Variants in CD101 observed in about 807,000 individuals in gnomAD.
The protein encoded by CD101 is immunoglobulin superfamily member 2.
Under a neutral mutation model 98.2 loss-of-function variants are expected in CD101, and 76 were observed. The observed-to-expected ratio is 0.77, with a 90% CI of 0.64 to 0.94. The LOEUF (loss-of-function observed/expected upper bound fraction) is 0.94, where lower values mean the gene tolerates loss of function less well. Among genes scored for constraint, CD101 ranks in the 40% least tolerant of loss-of-function variants. CD101 has a pLI of 0.00. For synonymous variants in CD101, 471 were observed against 472.7 expected, an observed-to-expected ratio of 1.00 and a Z score of 0.05; for missense variants, 1,145 against 1,218.8, an observed-to-expected ratio of 0.94 and a Z score of 0.90.
rs369157607 is a variant in CD101 at position 117,018,850 on chromosome 1, G to A, written c.2017+290G>A. 3.3e-5 allele frequency among the ~76,000 whole-genome samples: 5 copies of A among 152,194 alleles called. No homozygotes were observed. The South Asian group carries it at 8.3e-4, about 25-fold the overall frequency. Reference sequence around the variant, plus strand: ...CCACCCAGCAACTAAAGGGTACCACGTGGCACAGCAGGGGGCCTCTAGGAC... The same window carrying A: ...CCACCCAGCAACTAAAGGGTACCACATGGCACAGCAGGGGGCCTCTAGGAC... On this transcript the variant is annotated intron_variant, in intron 6 of 9. Transcript: ENST00000682167. The surrounding 1 kb of genome is among the most constrained non-coding windows in gnomAD (Gnocchi z 4.3).
chr1:117,007,739 C>T (rs1570711737), intron 1 of CD101, among the ~76,000 whole-genome samples: 1 of 152,198 alleles, frequency 6.6e-6, no homozygotes, highest in South Asian at 2.1e-4. Context: ...ACTTTATAAA[C>T]AGTACGATCA....
intron 7 of CD101, among the ~76,000 whole-genome samples, chr1:117,024,749 C>T (rs568200065): frequency 6.6e-6 from 1 of 152,076 alleles, no homozygotes; most frequent in Non-Finnish European, 1.5e-5. Flanking sequence ...GGATGGCGTC[C>T]TCTCTCTCTG....
At position 117,013,802 on chromosome 1, in the gene CD101, G is replaced by A. The variant is rs775824380; in HGVS notation, c.1228+10G>A. 1 of 1,602,816 alleles carries A rather than the reference G, an allele frequency of 6.2e-7. No individual in the cohort carries two copies. Among genetic ancestry groups the A allele is most frequent in the South Asian group, 1.1e-5 (1 of 89,776 alleles). On this transcript the variant is annotated intron_variant, in intron 4 of 9. Coordinates refer to ENST00000682167, the MANE Select transcript of CD101 (RefSeq NM_001256106.3). ...CTGAGGAAGCCAGCAGGTACGTAAA[G>A]TCAAGGCCAGGCATGCATTGGGCTG...
At position 117,019,372 on chromosome 1, in the gene CD101, TTC is replaced by T. The variant is rs1449990745; in HGVS notation, c.2017+818_2017+819del. On this transcript the variant is annotated intron_variant, in intron 6 of 9. Coordinates refer to ENST00000682167, the MANE Select transcript of CD101 (RefSeq NM_001256106.3). The surrounding 1 kb of genome is among the most constrained non-coding windows in gnomAD (Gnocchi z 4.3). ...CGCTCAAACGTGGTCACTGTCATTA[TTC>T]TCTCTGCTGCTGTGCAACATTTTTG... Among the ~76,000 whole-genome samples, 17 of 152,212 alleles carry T rather than the reference TTC, an allele frequency of 1.1e-4. No individual in the cohort carries two copies. The highest frequency in any genetic ancestry group is 9.2e-4 in the Admixed American group (14 of 15,282).
In CD101 at chr1:117,010,725, C is replaced by T. The variant is rs1486800354; in HGVS notation, c.424+495C>T. On this transcript the variant is annotated intron_variant, in intron 2 of 9. Coordinates refer to ENST00000682167, the MANE Select transcript of CD101 (RefSeq NM_001256106.3). This position sits in a 1 kb window ranked among gnomAD's most constrained non-coding sequence, Gnocchi z 5.2. ...CCCTTTGTCTGGAATATCTATCACC[C>T]CCTTTTCAGCTTAACAAACTCCTAC... is the stretch of plus-strand genomic sequence containing the variant. Among the ~76,000 whole-genome samples the T allele has an allele frequency of 6.6e-6, 1 of 152,192 alleles. No homozygotes were observed. The highest frequency in any genetic ancestry group is 2.4e-5 in the African/African-American group (1 of 41,438).
Position 117,017,426 on chromosome 1 carries a change from G to C in CD101, c.1565G>C (p.Arg522Thr). 1 of 1,614,200 alleles carries C rather than the reference G, an allele frequency of 6.2e-7. No homozygotes were observed. The highest frequency in any genetic ancestry group is 1.1e-5 in the South Asian group (1 of 91,082). ...RVSEKSRNQA[R>T]DLSWTQKISV... ...TCTGAGAAGTCTCGGAACCAGGCCA[G>C]AGATCTGAGCTGGACTCAGAAGATT... Residue 522 changes from arginine (R) to threonine (T), a missense_variant, in exon 5 of 10, where the codon AGA becomes ACA. Transcript: ENST00000682167.
Position 117,010,182 on chromosome 1 carries a change from A to G in CD101, c.376A>G (p.Thr126Ala). The G allele has an allele frequency of 6.2e-7, 1 of 1,614,170 alleles. No individual in the cohort carries two copies. Among genetic ancestry groups the G allele is most frequent in the Non-Finnish European group, 8.5e-7 (1 of 1,180,016 alleles). ...AGEYECHTPN[T>A]DEKYYGSYSA... ...CGAGTATGAGTGTCACACACCAAACACTGATGAGAAATACTATGGAAGTTA... is the reference window on the plus strand; with the variant it reads ...CGAGTATGAGTGTCACACACCAAACGCTGATGAGAAATACTATGGAAGTTA... The change falls in exon 2 of 10, where the codon ACT becomes GCT. Residue 126 changes from threonine to alanine, a missense_variant. By Grantham distance (58) the Thr-to-Ala change is moderately conservative (BLOSUM62 0). Coordinates refer to ENST00000682167, the MANE Select transcript of CD101 (RefSeq NM_001256106.3). The surrounding 1 kb of genome is among the most constrained non-coding windows in gnomAD (Gnocchi z 5.2).
intron 6 of CD101, among the ~76,000 whole-genome samples, chr1:117,020,158 TC>T (rs1468815317): frequency 6.6e-6 from 1 of 152,118 alleles, no homozygotes; most frequent in East Asian, 1.9e-4. Flanking sequence ...AAGTCTCCCC[TC>T]ACTCCTGTAT....
In CD101 at chr1:117,017,423, C is replaced by G. The variant is rs766069468; in HGVS notation, c.1562C>G (p.Ala521Gly). 5.6e-6 allele frequency: 9 copies of G among 1,614,062 alleles called. No homozygotes were observed. The highest frequency in any genetic ancestry group is 1.6e-4 in the Middle Eastern group (1 of 6,062). Residue 521 changes from alanine to glycine, a missense_variant, in exon 5 of 10, where the codon GCC becomes GGC. By Grantham distance (60) the Ala-to-Gly change is moderately conservative (BLOSUM62 0). Coordinates refer to ENST00000682167, the MANE Select transcript of CD101 (RefSeq NM_001256106.3). ...CRVSEKSRNQ[A>G]RDLSWTQKIS... Reference sequence around the variant, plus strand: ...GTATCTGAGAAGTCTCGGAACCAGGCCAGAGATCTGAGCTGGACTCAGAAG... The same window carrying G: ...GTATCTGAGAAGTCTCGGAACCAGGGCAGAGATCTGAGCTGGACTCAGAAG...
chr1:117,025,416 A>G (rs892543170), intron 7 of CD101, 93 bp from the exon 8 acceptor site: 29 of 1,088,104 alleles, frequency 2.7e-5, no homozygotes, highest in African/African-American at 1.4e-4. Context: ...TCTAAAGAAT[A>G]TAAGATCTTC....
chr1:117,009,433 A>G (rs912219331), intron 1 of CD101, among the ~76,000 whole-genome samples: 16 of 152,270 alleles, frequency 1.1e-4, no homozygotes, highest in Admixed American at 4.6e-4. Flanking sequence ...GTCTCCAGCA[A>G]CTACTTCTCT....
chr1:117,007,780 G>A (rs897239143), intron 1 of CD101, among the ~76,000 whole-genome samples: 3 of 152,204 alleles, frequency 2.0e-5, no homozygotes, highest in Non-Finnish European at 2.9e-5. Context: ...ATTCAGAAGT[G>A]TTTTTGTATC....
In CD101 at chr1:117,028,775, G is replaced by A. The variant is rs146527698; in HGVS notation, c.2824+2871G>A. Among the ~76,000 whole-genome samples, 911 of 152,198 alleles carry A rather than the reference G, an allele frequency of 6.0e-3. 3 individuals carry two copies. The highest frequency in any genetic ancestry group is 8.5e-3 in the Non-Finnish European group (579 of 68,000). ...GGTTGATTAAGATAACAGTGGGAAA[G>A]TATCCATTGGATTTGACATTATGGG... On this transcript the variant is annotated intron_variant, in intron 8 of 9. Coordinates refer to ENST00000682167, the MANE Select transcript of CD101 (RefSeq NM_001256106.3).
rs969645578 is a variant in CD101 at position 117,010,834 on chromosome 1, C to T, written c.424+604C>T. ...TGGGCAGAATTCCCACTTTTGTTTC[C>T]TTTAGATTGTTCATACCACTGCTCT... On this transcript the variant is annotated intron_variant, in intron 2 of 9. Transcript: ENST00000682167. This position sits in a 1 kb window ranked among gnomAD's most constrained non-coding sequence, Gnocchi z 5.2. Among the ~76,000 whole-genome samples the T allele has an allele frequency of 1.4e-4, 21 of 152,122 alleles. No individual in the cohort carries two copies. Among genetic ancestry groups the T allele is most frequent in the African/African-American group, 4.6e-4 (19 of 41,424 alleles).
rs1182733264 is a variant in CD101, at chr1:117,019,540, C to T, written c.2017+980C>T. Among the ~76,000 whole-genome samples, 1 of 152,114 alleles carries T rather than the reference C, an allele frequency of 6.6e-6. No homozygotes were observed. Among genetic ancestry groups the T allele is most frequent in the Non-Finnish European group, 1.5e-5 (1 of 68,022 alleles). ...CATGACACAAGATTTTCATTTTCTCCTCCACTGATTTATTCTTTAAAGAAA... is the reference window on the plus strand; with the variant it reads ...CATGACACAAGATTTTCATTTTCTCTTCCACTGATTTATTCTTTAAAGAAA... On this transcript the variant is annotated intron_variant, in intron 6 of 9. Coordinates refer to ENST00000682167, the MANE Select transcript of CD101 (RefSeq NM_001256106.3). The surrounding 1 kb of genome is among the most constrained non-coding windows in gnomAD (Gnocchi z 4.3).
chr1:117,021,850 T>C lies in CD101; in HGVS notation c.2295T>C (p.Ile765=). 6.2e-7 allele frequency: 1 copy of C among 1,614,146 alleles called. No homozygotes were observed. Residue 765 remains isoleucine, a synonymous_variant, in exon 7 of 10, where the codon ATT becomes ATC. Transcript: ENST00000682167. This position sits in a 1 kb window ranked among gnomAD's most constrained non-coding sequence, Gnocchi z 4.7. Reference sequence around the variant, plus strand: ...CCCAAGACTTATTTCAGCTGCACATTCTGAATGTGGAAGACAGCGATCGGG... The same window carrying C: ...CCCAAGACTTATTTCAGCTGCACATCCTGAATGTGGAAGACAGCGATCGGG... ...KVSQDLFQLH[I]LNVEDSDRGK...
In CD101 at chr1:117,012,966, C is replaced by T. The variant is rs986652871; in HGVS notation, c.842-440C>T. Among the ~76,000 whole-genome samples the T allele has an allele frequency of 2.0e-5, 3 of 152,048 alleles. No homozygotes were observed. Among genetic ancestry groups the T allele is most frequent in the African/African-American group, 4.8e-5 (2 of 41,382 alleles). ...AGTTATACTCATGAGTCCTATGGAG[C>T]GATATCACATGTGCTTTTTAACTTC... On this transcript the variant is annotated intron_variant, in intron 3 of 9. Transcript: ENST00000682167. This position sits in a 1 kb window ranked among gnomAD's most constrained non-coding sequence, Gnocchi z 4.0.
chr1:117,007,699 A>G (rs1309186192), intron 1 of CD101, among the ~76,000 whole-genome samples: 1 of 152,230 alleles, frequency 6.6e-6, no homozygotes, highest in Non-Finnish European at 1.5e-5. Flanking sequence ...GCATCACTAA[A>G]TAATACAGTG....
At position 117,033,833 on chromosome 1, in the gene CD101, ACTCT is replaced by A; in HGVS notation, c.2825-24_2825-21del. ...AGTACAAATAAGTTGGAGATGAATTACTCTCTTGTTTCTCCCTTCGTTGCAGAGC... is the reference window on the plus strand; with the variant it reads ...AGTACAAATAAGTTGGAGATGAATTACTTGTTTCTCCCTTCGTTGCAGAGC... On this transcript the variant is annotated intron_variant, in intron 8 of 9. Transcript: ENST00000682167. This position sits in a 1 kb window ranked among gnomAD's most constrained non-coding sequence, Gnocchi z 4.8. 6.2e-7 allele frequency: 1 copy of A among 1,613,318 alleles called. No individual in the cohort carries two copies. Among genetic ancestry groups the A allele is most frequent in the South Asian group, 1.1e-5 (1 of 91,042 alleles).
Sources: allele counts gnomAD v4.1 joint callset (sites outside exome capture counted in the v4.1 genomes callset), GRCh38; gene constraint gnomAD v4.1.1; non-coding constraint Gnocchi (gnomAD v3.1); transcripts MANE v1.5; gene names NCBI Gene and HGNC (gene_info 2026-07-23, HGNC 2026-07-21).